Variants in AKAP6 observed in about 807,000 individuals in gnomAD.
AKAP6 encodes A-kinase anchor protein 6.
A neutral mutation model predicts 188.5 loss-of-function variants in AKAP6; 58 were observed. The ratio of observed to expected loss-of-function variants is 0.31; its 90% CI spans 0.25 to 0.38. The LOEUF (loss-of-function observed/expected upper bound fraction) is 0.38, where lower values mean the gene tolerates loss of function less well. Among genes scored for constraint, AKAP6 ranks in the 10% least tolerant of loss-of-function variants. AKAP6 has a pLI of 1.00. For synonymous variants in AKAP6, 989 were observed against 998.6 expected (o/e 0.99, Z 0.18); for missense variants, 2,710 against 2,740.0 (o/e 0.99, Z 0.24).
chr14:32,781,484 A>T (rs1395798230), intron 12 of AKAP6, among the ~76,000 whole-genome samples: 1 of 152,162 alleles, frequency 6.6e-6, no homozygotes, highest in Non-Finnish European at 1.5e-5. Flanking sequence ...GAATTCTACC[A>T]AACATTTAAA....
intron 1 of AKAP6, among the ~76,000 whole-genome samples, chr14:32,341,685 GA>G (rs1216464963): frequency 1.3e-5 from 2 of 152,182 alleles, no homozygotes; most frequent in Admixed American, 1.3e-4. Flanking sequence ...CAAGCTTGCT[GA>G]GAAGAATGCC....
chr14:32,735,615 TG>T (rs1478971447), intron 10 of AKAP6, 42 bp from the exon 11 acceptor site: 12 of 1,416,948 alleles, frequency 8.5e-6, no homozygotes, highest in Non-Finnish European at 9.6e-6. Context: ...GGTTTTTTTT[TG>T]TTTGTTTGTT....
chr14:32,356,816 T>C (rs989889337), intron 1 of AKAP6, among the ~76,000 whole-genome samples: 1 of 152,062 alleles, frequency 6.6e-6, no homozygotes, highest in African/African-American at 2.4e-5. Context: ...GCACAGGCTA[T>C]TATATCCCCT....
Position 32,558,942 on chromosome 14 carries a change from C to A in AKAP6, c.2346+11943C>A, listed in dbSNP as rs574131256. ...ACCTCAAAGGCGTTTTGGAAATTAG[C>A]CTCTAAGCTATGAATATTGGGAGGA... On this transcript the variant is annotated intron_variant, in intron 4 of 13. Transcript: ENST00000280979. Among the ~76,000 whole-genome samples the A allele has an allele frequency of 2.6e-5, 4 of 152,284 alleles. No homozygotes were observed. The East Asian group carries it at 7.7e-4, about 29-fold the overall frequency.
At chr14:32,593,086 G>C (rs1377326168) in intron 5 of AKAP6, among the ~76,000 whole-genome samples, 1 of 149,606 alleles carries the variant, frequency 6.7e-6, no homozygotes, top group Admixed American at 6.7e-5. Flanking sequence ...TGAGGGCAGG[G>C]ACCATGTCTA....
chr14:32,451,433 A>G (rs1890931983), intron 2 of AKAP6, among the ~76,000 whole-genome samples: 1 of 152,160 alleles, frequency 6.6e-6, no homozygotes, highest in African/African-American at 2.4e-5. Flanking sequence ...GTATACAGCT[A>G]TTTATTTCCT....
rs1886253270 is a variant in AKAP6, at chr14:32,609,302, G to C, written c.2730+8510G>C. On this transcript the variant is annotated intron_variant, in intron 7 of 13. Coordinates refer to ENST00000280979, the MANE Select transcript of AKAP6 (RefSeq NM_004274.5). ...GTTCTTTCTCTTTGGAATTCAGTTG[G>C]AATATACCCATTTATGTGGTTGTGA... Among the ~76,000 whole-genome samples the C allele has an allele frequency of 2.0e-5, 3 of 152,126 alleles. No homozygotes were observed. The South Asian group carries it at 6.2e-4, about 31-fold the overall frequency.
At chr14:32,667,757 T>C (rs528686423) in intron 7 of AKAP6, among the ~76,000 whole-genome samples, 2 of 152,206 alleles carry the variant, frequency 1.3e-5, no homozygotes, top group Admixed American at 6.5e-5. Flanking sequence ...CACACTTGTT[T>C]GGTTCTGTTT....
chr14:32,821,276 C>A (rs2034511534), intron 12 of AKAP6, 126 bp from the exon 13 acceptor site: 1 of 956,496 alleles, frequency 1.0e-6, no homozygotes, highest in Non-Finnish European at 1.5e-6. Context: ...GATAATTAGG[C>A]CGTCTTTCAA....
chr14:32,531,362 G>A (rs1239931914), intron 2 of AKAP6, among the ~76,000 whole-genome samples: 4 of 152,160 alleles, frequency 2.6e-5, no homozygotes, highest in Non-Finnish European at 5.9e-5. Flanking sequence ...TAAAATTAGT[G>A]CTGATGATCA....
intron 11 of AKAP6, among the ~76,000 whole-genome samples, chr14:32,744,380 A>T (rs747413310): frequency 1.3e-5 from 2 of 151,906 alleles, no homozygotes; most frequent in Non-Finnish European, 2.9e-5. Context: ...GCAGTGGCAC[A>T]ATCTCGGCTC....
Position 32,545,394 on chromosome 14 carries a change from A to G in AKAP6, c.741A>G (p.Gln247=). 6.2e-7 allele frequency: 1 copy of G among 1,614,216 alleles called. No individual in the cohort carries two copies. Among genetic ancestry groups the G allele is most frequent in the Non-Finnish European group, 8.5e-7 (1 of 1,180,008 alleles). Residue 247 remains glutamine (Q), a synonymous_variant, in exon 4 of 14, where the codon CAA becomes CAG. Coordinates refer to ENST00000280979, the MANE Select transcript of AKAP6 (RefSeq NM_004274.5). The part of the protein sequence containing the change: ...LSGLGDMTSS[Q]VKTKPFDSWS... The stretch of plus-strand genomic sequence containing the variant: ...GGCTAGGTGACATGACCTCTAGCCA[A>G]GTCAAAACCAAACCCTTTGACTCTT...
chr14:32,534,038 T>C (rs999291397), intron 2 of AKAP6, among the ~76,000 whole-genome samples: 2 of 152,212 alleles, frequency 1.3e-5, no homozygotes, highest in African/African-American at 4.8e-5. Flanking sequence ...GGAGCACTCA[T>C]TGGAATTGTA....
At chr14:32,365,465 T>A (rs890097421) in intron 1 of AKAP6, among the ~76,000 whole-genome samples, 7 of 152,140 alleles carry the variant, frequency 4.6e-5, no homozygotes, top group African/African-American at 1.7e-4. Context: ...GAACCGACCA[T>A]ATAATGTGTG....
At chr14:32,751,627 T>G (rs1202736221) in intron 11 of AKAP6, among the ~76,000 whole-genome samples, 2 of 152,074 alleles carry the variant, frequency 1.3e-5, no homozygotes, top group Non-Finnish European at 2.9e-5. Flanking sequence ...TTCGTCTTTT[T>G]GGAAGTCCTG....
At chr14:32,343,341 G>A (rs1886953535) in intron 1 of AKAP6, among the ~76,000 whole-genome samples, 1 of 152,022 alleles carries the variant, frequency 6.6e-6, no homozygotes. Context: ...TATTCAGAAT[G>A]TAAGCAGAGG....
chr14:32,468,707 C>A lies in AKAP6; in HGVS notation c.324+34890C>A, dbSNP rs189995703. On this transcript the variant is annotated intron_variant, in intron 2 of 13. Coordinates refer to ENST00000280979, the MANE Select transcript of AKAP6 (RefSeq NM_004274.5). ...TCCCATCTTTGTCCCTCCATTCTTT[C>A]TCCCAGGTACTCCATATCCTTATGT... Among the ~76,000 whole-genome samples, 9 of 152,220 alleles carry A rather than the reference C, an allele frequency of 5.9e-5. 1 individual carries two copies. In the East Asian group the frequency reaches 1.5e-3, roughly 26 times the overall value.
At chr14:32,591,909 G>A (rs1286127981) in intron 5 of AKAP6, among the ~76,000 whole-genome samples, 1 of 152,132 alleles carries the variant, frequency 6.6e-6, no homozygotes, top group African/African-American at 2.4e-5. Flanking sequence ...CATGATGAGA[G>A]GGCAAAGTTA....
chr14:32,490,385 C>T (rs1879948039), intron 2 of AKAP6, among the ~76,000 whole-genome samples: 1 of 152,252 alleles, frequency 6.6e-6, no homozygotes, highest in African/African-American at 2.4e-5. Flanking sequence ...ATATTCAGAT[C>T]ACCATATAAT....
Sources: allele counts gnomAD v4.1 joint callset (sites outside exome capture counted in the v4.1 genomes callset), GRCh38; gene constraint gnomAD v4.1.1; transcripts MANE v1.5; gene names NCBI Gene and HGNC (gene_info 2026-07-23, HGNC 2026-07-21).